Variants in FAM13B observed in about 807,000 individuals in gnomAD.
FAM13B encodes protein FAM13B.
Under a neutral mutation model 117.3 loss-of-function variants are expected in FAM13B, and 60 were observed. That is an observed-to-expected ratio of 0.51 (90% CI 0.42 to 0.63). FAM13B has a LOEUF of 0.63. FAM13B is among the 30% of genes least tolerant of loss of function. The pLI, the probability that FAM13B is intolerant of heterozygous loss-of-function variation, is 0.00. For synonymous variants in FAM13B, 332 were observed against 356.1 expected (o/e 0.93, Z 0.76); for missense variants, 972 against 1,091.9 (o/e 0.89, Z 1.55).
intron 16 of FAM13B, 87 bp downstream of exon 16, chr5:137,953,249 C>A (rs1765533029): frequency 2.1e-6 from 3 of 1,428,718 alleles, no homozygotes; most frequent in East Asian, 2.3e-5. Flanking sequence ...ACCTTTCTCA[C>A]ACAGATCTAA....
chr5:138,038,570 A>C (rs1484128182), intron 1 of FAM13B: 1 of 152,236 alleles, frequency 6.6e-6, no homozygotes, highest in Admixed American at 6.5e-5. Context: ...ACTCACCATT[A>C]GAGAGATGTA....
At chr5:138,011,708 G>A (rs1784067191) in intron 5 of FAM13B, 60 bp downstream of exon 5, 10 of 1,280,852 alleles carry the variant, frequency 7.8e-6, no homozygotes, top group Admixed American at 2.2e-5. Flanking sequence ...ATGAGCCACC[G>A]TGCCCGGCCT....
At chr5:137,983,176 TAAAAAAAAAAAAAAAAAAAAAA>T (rs56880991) in intron 10 of FAM13B, among the ~76,000 whole-genome samples, 11 of 75,118 alleles carry the variant, frequency 1.5e-4, no homozygotes, top group African/African-American at 5.1e-4. Flanking sequence ...CCAGTGTAGG[TAAAAAAAAAAAAAAAAAAAAAA>T]AAAAAAAAAA....
chr5:138,013,852 A>ATG (rs1784640887), intron 4 of FAM13B, among the ~76,000 whole-genome samples: 3 of 152,212 alleles, frequency 2.0e-5, no homozygotes, highest in African/African-American at 7.2e-5. Flanking sequence ...GTGGCACTTA[A>ATG]TGTCTAGCAT....
upstream of FAM13B, among the ~76,000 whole-genome samples, chr5:138,033,365 A>G (rs1331797572): frequency 2.0e-5 from 3 of 152,236 alleles, no homozygotes; most frequent in African/African-American, 7.2e-5. Flanking sequence ...TCCGGAACAC[A>G]GAGATCGCTT....
intron 7 of FAM13B, among the ~76,000 whole-genome samples, chr5:137,992,009 C>T (rs1443888816): frequency 2.0e-5 from 3 of 152,048 alleles, no homozygotes; most frequent in Non-Finnish European, 4.4e-5. Context: ...ACAGCCTCCA[C>T]GTCCGTCTCA....
At chr5:137,959,373 C>T (rs1767493261) in intron 13 of FAM13B, among the ~76,000 whole-genome samples, 1 of 152,136 alleles carries the variant, frequency 6.6e-6, no homozygotes, top group East Asian at 1.9e-4. Context: ...AAAATCAGTT[C>T]TAACATCCAT....
intron 18 of FAM13B, among the ~76,000 whole-genome samples, chr5:137,948,206 TC>T (rs1763964252): frequency 6.6e-6 from 1 of 151,890 alleles, no homozygotes; most frequent in Non-Finnish European, 1.5e-5. Context: ...CATTTAATCC[TC>T]ATAACAACCA....
chr5:138,033,032 C>G lies in FAM13B; in HGVS notation c.-453G>C. 1 of 985,450 alleles carries G rather than the reference C, an allele frequency of 1.0e-6. No homozygotes were observed. Among genetic ancestry groups the G allele is most frequent in the Non-Finnish European group, 1.2e-6 (1 of 830,710 alleles). 61.0% of individuals were successfully genotyped at this position (985,450 alleles called of 1,614,324 possible). The stretch of plus-strand genomic sequence containing the variant: ...GGGGAGAGAGTGGCGACAGAGGCGG[C>G]GGCTGAGGTGCAGAGCCTCCCTAAC... On this transcript the variant is annotated 5_prime_UTR_variant, in exon 1 of 24. Coordinates refer to ENST00000689681, the MANE Select transcript of FAM13B (RefSeq NM_001385994.1).
intron 10 of FAM13B, 126 bp downstream of exon 10, chr5:137,985,131 C>A (rs190252471): frequency 4.3e-5 from 41 of 956,232 alleles, no homozygotes; most frequent in East Asian, 1.5e-4. Context: ...AATGTATATT[C>A]TTGGGGATTT....
intron 1 of FAM13B, among the ~76,000 whole-genome samples, chr5:138,042,113 A>G (rs1220603461): frequency 6.6e-6 from 1 of 152,204 alleles, no homozygotes; most frequent in Non-Finnish European, 1.5e-5. Context: ...AAGCTCAGGT[A>G]GATAGCAATG....
chr5:137,954,402 A>G, intron 14 of FAM13B, 26 bp from the exon 15 acceptor site: 6 of 1,576,014 alleles, frequency 3.8e-6, no homozygotes, highest in Non-Finnish European at 5.2e-6. Flanking sequence ...AAAGAATAGT[A>G]CCATGGGTCT....
chr5:137,975,308 C>T (rs1040124588), intron 10 of FAM13B, among the ~76,000 whole-genome samples: 5 of 152,222 alleles, frequency 3.3e-5, no homozygotes, highest in Non-Finnish European at 7.3e-5. Context: ...CCACCCAACA[C>T]GCACTCTGTA....
rs1762278402 is a variant in FAM13B at position 137,942,882 on chromosome 5, C to A, written c.2581G>T (p.Ala861Ser). The A allele has an allele frequency of 6.2e-7, 1 of 1,605,040 alleles. No homozygotes were observed. The highest frequency in any genetic ancestry group is 1.3e-5 in the African/African-American group (1 of 74,090). The change falls in exon 22 of 24, where the codon GCT (alanine) becomes TCT (serine). Residue 861 changes from alanine to serine, a missense_variant. Coordinates refer to ENST00000689681, the MANE Select transcript of FAM13B (RefSeq NM_001385994.1). ...ACAAATCAGCATACATACATAGAAGCTGCTCGAGAACTTGACAATCGGAGA... is the reference window on the plus strand; with the variant it reads ...ACAAATCAGCATACATACATAGAAGATGCTCGAGAACTTGACAATCGGAGA... ...LDLRLSSSRA[A>S]SMPELLEQLW...
chr5:137,939,878 T>G lies in FAM13B; in HGVS notation c.*347A>C. 7.5e-7 allele frequency: 1 copy of G among 1,334,192 alleles called. No homozygotes were observed. Among genetic ancestry groups the G allele is most frequent in the Non-Finnish European group, 9.6e-7 (1 of 1,045,578 alleles). The allele number at this position is 1,334,192 out of a possible 1,614,324, so 82.6% of individuals were successfully genotyped here. ...TCTTCAGTAATGAGAAACAAAAAGT[T>G]GGTAATAACAAAAAGCTTGCATTTC... is the stretch of plus-strand genomic sequence containing the variant. On this transcript the variant is annotated 3_prime_UTR_variant, in exon 24 of 24. Coordinates refer to ENST00000689681, the MANE Select transcript of FAM13B (RefSeq NM_001385994.1).
Position 137,988,331 on chromosome 5 carries a change from G to A in FAM13B, c.849-16C>T. On this transcript the variant is annotated splice_polypyrimidine_tract_variant and intron_variant, in intron 7 of 23. Coordinates refer to ENST00000689681, the MANE Select transcript of FAM13B (RefSeq NM_001385994.1). Reference sequence around the variant, plus strand: ...TATATGGGTGCTGCAATCAAAGAAAGAAATTAGCTATAAAAATGTTCAATA... The same window carrying A: ...TATATGGGTGCTGCAATCAAAGAAAAAAATTAGCTATAAAAATGTTCAATA... 1 of 1,553,280 alleles carries A rather than the reference G, an allele frequency of 6.4e-7. No individual in the cohort carries two copies. The highest frequency in any genetic ancestry group is 8.6e-7 in the Non-Finnish European group (1 of 1,159,210).
At position 138,021,097 on chromosome 5, in the gene FAM13B, A is replaced by T; in HGVS notation, c.-102T>A. 8.1e-7 allele frequency: 1 copy of T among 1,231,724 alleles called. No homozygotes were observed. Among genetic ancestry groups the T allele is most frequent in the Non-Finnish European group, 1.0e-6 (1 of 987,948 alleles). The allele number at this position is 1,231,724 out of a possible 1,614,324, so 76.3% of individuals were successfully genotyped here. ...CACCAGCTACCCTCACTGAGCAAGC[A>T]TTCTTTTGTCATTTATGGCTGTTTG... On this transcript the variant is annotated 5_prime_UTR_variant, in exon 2 of 24. The change abolishes an upstream ATG in the 5' untranslated region. Transcript: ENST00000689681.
At chr5:137,975,072 T>C (rs1262963331) in intron 10 of FAM13B, among the ~76,000 whole-genome samples, 1 of 152,156 alleles carries the variant, frequency 6.6e-6, no homozygotes, top group Admixed American at 6.6e-5. Flanking sequence ...ATACCCACAA[T>C]GCCTAAAATA....
rs1350244787 is a variant in FAM13B at position 137,938,337 on chromosome 5, AT to A, written c.*1887del. On this transcript the variant is annotated 3_prime_UTR_variant, in exon 24 of 24. Coordinates refer to ENST00000689681, the MANE Select transcript of FAM13B (RefSeq NM_001385994.1). Reference sequence around the variant, plus strand: ...AAAGAAGGAATATATTATTTAAAACATTTAAATAGTGCATATGGACATTTTT... The same window carrying A: ...AAAGAAGGAATATATTATTTAAAACATTAAATAGTGCATATGGACATTTTT... The A allele has an allele frequency of 6.6e-6, 1 of 152,668 alleles. No homozygotes were observed. The highest frequency in any genetic ancestry group is 2.4e-5 in the African/African-American group (1 of 41,478). The allele number at this position is 152,668 out of a possible 1,614,324, so 9.5% of individuals were successfully genotyped here. A position where few individuals can be genotyped will look rare whatever the true frequency, so the allele number is the denominator to read the frequency against.
Sources: allele counts gnomAD v4.1 joint callset (sites outside exome capture counted in the v4.1 genomes callset), GRCh38; gene constraint gnomAD v4.1.1; transcripts MANE v1.5; gene names NCBI Gene and HGNC (gene_info 2026-07-23, HGNC 2026-07-21).